The following PRRC2B variants were observed in gnomAD, a reference collection of about 807,000 sequenced individuals.
PRRC2B encodes the protein proline rich coiled-coil 2B, also known as protein PRRC2B.
In PRRC2B, 68 loss-of-function variants were observed where a neutral mutation model predicts 242.3. That is an observed-to-expected ratio of 0.28 (90% CI 0.23 to 0.34). The LOEUF (loss-of-function observed/expected upper bound fraction) is 0.34. Among genes scored for constraint, PRRC2B ranks in the 10% least tolerant of loss-of-function variants. The pLI is 1.00. For synonymous variants in PRRC2B, 1,228 were observed against 1,173.6 expected, an observed-to-expected ratio of 1.05 and a Z score of -0.95; for missense variants, 2,835 against 2,954.8, an observed-to-expected ratio of 0.96 and a Z score of 0.94.
intron 1 of PRRC2B, among the ~76,000 whole-genome samples, chr9:131,412,656 C>T (rs1360836146): frequency 2.0e-5 from 3 of 152,240 alleles, no homozygotes; most frequent in Non-Finnish European, 2.9e-5. Context: ...AAATTAACCG[C>T]TGGATTCCCT....
intron 1 of PRRC2B, among the ~76,000 whole-genome samples, chr9:131,396,335 T>C (rs528338461): frequency 9.5e-5 from 14 of 147,956 alleles, no homozygotes; most frequent in East Asian, 3.9e-4. Context: ...CTTTTTTTTT[T>C]TTTTTTTTTT....
chr9:131,447,885 C>T (rs1564287075), intron 9 of PRRC2B, 81 bp downstream of exon 9: 1 of 1,433,948 alleles, frequency 7.0e-7, no homozygotes, highest in Non-Finnish European at 9.4e-7. Flanking sequence ...CCCCCTGGCA[C>T]CACCGTGTGT....
intron 20 of PRRC2B, 68 bp downstream of exon 20, chr9:131,481,876 C>T: frequency 1.1e-5 from 15 of 1,414,790 alleles, no homozygotes; most frequent in African/African-American, 4.2e-5. Context: ...ACCATCCACA[C>T]GGCCAGCTTG....
At chr9:131,455,376 G>T (rs1313192330) in intron 10 of PRRC2B, among the ~76,000 whole-genome samples, 1 of 152,118 alleles carries the variant, frequency 6.6e-6, no homozygotes, top group Admixed American at 6.6e-5. Flanking sequence ...TGCATAGTCG[G>T]CCTCTTCACC....
chr9:131,384,863 C>T (rs1836808004), intron 1 of PRRC2B, among the ~76,000 whole-genome samples: 1 of 152,124 alleles, frequency 6.6e-6, no homozygotes, highest in African/African-American at 2.4e-5. Flanking sequence ...TCGAAGGAGA[C>T]ATTTTCACAT....
In PRRC2B at chr9:131,446,572, G is replaced by A. The variant is rs766029882; in HGVS notation, c.785G>A (p.Arg262Gln). Residue 262 changes from arginine (R) to glutamine (Q), a missense_variant, in exon 7 of 32, where the codon CGA (arginine) becomes CAA (glutamine). This residue lies in a region of PRRC2B where 626 missense variants were observed against 685.5 expected (regional missense o/e 0.91). Coordinates refer to ENST00000683519, the MANE Select transcript of PRRC2B (RefSeq NM_013318.4). The surrounding 1 kb of genome is among the most constrained non-coding windows in gnomAD (Gnocchi z 4.1). ...DPSLRPAQPV[R>Q]KGASQFMGNV... ...TCTCTCCGCCCGGCTCAGCCTGTCC[G>A]AAAAGGGGCTTCACAGTTCATGGGA... The A allele has an allele frequency of 8.1e-6, 13 of 1,613,800 alleles. No individual in the cohort carries two copies. Among genetic ancestry groups the A allele is most frequent in the South Asian group, 1.1e-5 (1 of 91,074 alleles).
rs1944365112 is a variant in PRRC2B, at chr9:131,497,494, G to A, written c.*1620G>A. 1 of 152,264 alleles carries A rather than the reference G, an allele frequency of 6.6e-6. No individual in the cohort carries two copies. Among genetic ancestry groups the A allele is most frequent in the South Asian group, 2.1e-4 (1 of 4,832 alleles). 9.4% of individuals were successfully genotyped at this position (152,264 alleles called of 1,614,324 possible). On this transcript the variant is annotated 3_prime_UTR_variant, in exon 32 of 32. Transcript: ENST00000683519. ...GGGGCCGGGGATGCACCCCCCACCAGAGGCTGCCTTCAGCGTCTCACGGGT... is the reference window on the plus strand; with the variant it reads ...GGGGCCGGGGATGCACCCCCCACCAAAGGCTGCCTTCAGCGTCTCACGGGT...
At chr9:131,376,613 G>C (rs777229009) in intron 1 of PRRC2B, among the ~76,000 whole-genome samples, 10 of 152,138 alleles carry the variant, frequency 6.6e-5, no homozygotes, top group Admixed American at 3.3e-4. Context: ...GTGTTTCCTT[G>C]TTAACACAAC....
chr9:131,492,764 G>A (rs189519440), intron 30 of PRRC2B, among the ~76,000 whole-genome samples: 1 of 152,250 alleles, frequency 6.6e-6, no homozygotes, highest in Non-Finnish European at 1.5e-5. Context: ...CTTTGTGTCT[G>A]TCTCCACCTC....
rs1588278408 is a variant in PRRC2B, at chr9:131,482,382, G to A, written c.4995G>A (p.Lys1665=). ...TETGSAEQGF[K]SSQGDSGVDL... is the part of the protein sequence containing the mutation. The stretch of plus-strand genomic sequence containing the variant: ...TGTGCTCTGCACAGCAGGGTTTTAA[G>A]AGCAGCCAGGGAGATAGTGGCGTTG... Residue 1665 remains lysine (K), a synonymous_variant, in exon 21 of 32, where the codon AAG becomes AAA. Transcript: ENST00000683519. This position sits in a 1 kb window ranked among gnomAD's most constrained non-coding sequence, Gnocchi z 5.2. 1 of 1,583,612 alleles carries A rather than the reference G, an allele frequency of 6.3e-7. No homozygotes were observed. Among genetic ancestry groups the A allele is most frequent in the African/African-American group, 1.3e-5 (1 of 74,176 alleles).
intron 5 of PRRC2B, among the ~76,000 whole-genome samples, chr9:131,441,661 C>T (rs1255678012): frequency 6.6e-6 from 1 of 152,214 alleles, no homozygotes; most frequent in Non-Finnish European, 1.5e-5. Context: ...AGTCATGCAT[C>T]TGTGACACTG....
At chr9:131,405,251 CTG>C (rs1411001861) in intron 1 of PRRC2B, among the ~76,000 whole-genome samples, 2 of 152,156 alleles carry the variant, frequency 1.3e-5, no homozygotes, top group East Asian at 3.8e-4. Context: ...GTGAAGGCCA[CTG>C]TGGGAGCTGG....
At chr9:131,454,380 A>G (rs573260346) in intron 9 of PRRC2B, among the ~76,000 whole-genome samples, 1 of 152,330 alleles carries the variant, frequency 6.6e-6, no homozygotes, top group Admixed American at 6.5e-5. Context: ...GTAGACAACT[A>G]CTTGGTTTCT....
chr9:131,399,138 C>CGT, intron 1 of PRRC2B, among the ~76,000 whole-genome samples: 2 of 150,146 alleles, frequency 1.3e-5, no homozygotes, highest in Admixed American at 6.7e-5. Flanking sequence ...TAGCTGGATG[C>CGT]CGTGGCGAGT....
chr9:131,433,936 C>T (rs1156989748), intron 3 of PRRC2B, among the ~76,000 whole-genome samples: 1 of 152,144 alleles, frequency 6.6e-6, no homozygotes, highest in Non-Finnish European at 1.5e-5. Context: ...TAAGAGTTTG[C>T]TTAGGGATCA....
intron 1 of PRRC2B, among the ~76,000 whole-genome samples, chr9:131,403,662 TAA>T (rs745747729): frequency 1.1e-4 from 1 of 9,498 alleles, no homozygotes; most frequent in African/African-American, 1.4e-4. Flanking sequence ...GCCCATACTT[TAA>T]AAAAAAAAAA....
intron 1 of PRRC2B, among the ~76,000 whole-genome samples, chr9:131,416,170 G>A (rs554111879): frequency 6.6e-6 from 1 of 151,390 alleles, no homozygotes; most frequent in African/African-American, 2.4e-5. Context: ...GTGCAGTGGC[G>A]CCATCTCGGC....
intron 14 of PRRC2B, 57 bp downstream of exon 14, chr9:131,471,040 A>C: frequency 7.7e-7 from 1 of 1,295,222 alleles, no homozygotes; most frequent in Non-Finnish European, 1.1e-6. Flanking sequence ...CGTGGTGGTC[A>C]AGGGTGTCCT....
At position 131,478,635 on chromosome 9, in the gene PRRC2B, T is replaced by A. The variant is rs769332664; in HGVS notation, c.4758+16T>A. 1.7e-5 allele frequency: 3 copies of A among 178,570 alleles called. No homozygotes were observed. The highest frequency in any genetic ancestry group is 8.5e-5 in the African/African-American group (1 of 11,718). The allele number at this position is 178,570 out of a possible 1,614,324, so 11.1% of individuals were successfully genotyped here. ...GGCCGTGCAGGTGAGGGGCGGAGGG[T>A]GGGGGGGCATGGGGCTGGAGGGCAG... On this transcript the variant is annotated intron_variant, in intron 18 of 31. Transcript: ENST00000683519.
Sources: allele counts gnomAD v4.1 joint callset (sites outside exome capture counted in the v4.1 genomes callset), GRCh38; gene constraint gnomAD v4.1.1; regional missense constraint gnomAD v4.1.1; non-coding constraint Gnocchi (gnomAD v3.1); transcripts MANE v1.5; gene names NCBI Gene and HGNC (gene_info 2026-07-23, HGNC 2026-07-21).